Variants in RHBDD1 observed in about 807,000 individuals in gnomAD.
The protein encoded by RHBDD1 is rhomboid-related protein 4.
Under a neutral mutation model 36.3 loss-of-function variants are expected in RHBDD1, and 38 were observed. The ratio of observed to expected loss-of-function variants is 1.05; its 90% CI spans 0.81 to 1.37. The LOEUF is 1.37. Among genes scored for constraint, RHBDD1 ranks in the 40% most tolerant of loss-of-function variants. The pLI, the probability that RHBDD1 is intolerant of heterozygous loss-of-function variation, is 0.00. For synonymous variants in RHBDD1, 151 were observed against 136.5 expected, an observed-to-expected ratio of 1.11 and a Z score of -0.74; for missense variants, 393 against 377.6, an observed-to-expected ratio of 1.04 and a Z score of -0.34.
chr2:226,909,012 AAC>A lies in RHBDD1; in HGVS notation c.712+139_712+140del. On this transcript the variant is annotated intron_variant, in intron 7 of 8. Coordinates refer to ENST00000392062, the MANE Select transcript of RHBDD1 (RefSeq NM_001167608.3). ...TCACATGTTGTGTAACTGTGCCTCT[AAC>A]ACACCTGGAAGCTAGATGGAGGGTA... 4.9e-6 allele frequency: 3 copies of A among 615,888 alleles called. No individual in the cohort carries two copies. In the South Asian group the frequency reaches 7.1e-5, roughly 14 times the overall value. The allele number at this position is 615,888 out of a possible 1,614,324, so 38.2% of individuals were successfully genotyped here.
intron 8 of RHBDD1, among the ~76,000 whole-genome samples, chr2:226,978,262 T>A (rs1373899921): frequency 6.6e-6 from 1 of 152,240 alleles, no homozygotes; most frequent in Non-Finnish European, 1.5e-5. Flanking sequence ...CAATTTGTAC[T>A]CTTTTTTCTC....
the RHBDD1 span, among the ~76,000 whole-genome samples, chr2:226,802,290 G>A: frequency 1.3e-5 from 2 of 152,288 alleles, no homozygotes; most frequent in East Asian, 3.9e-4. Context: ...TCACTGCTGT[G>A]ACAAATTATG....
At chr2:226,948,564 TAAAAAAAAA>T (rs56325989) in intron 8 of RHBDD1, among the ~76,000 whole-genome samples, 3 of 23,558 alleles carry the variant, frequency 1.3e-4, no homozygotes, top group African/African-American at 5.5e-4. Context: ...ACTTAAAGTA[TAAAAAAAAA>T]AAAAAAAAAA....
In RHBDD1 at chr2:226,966,264, A is replaced by C. The variant is rs534218689; in HGVS notation, c.857-29167A>C. Among the ~76,000 whole-genome samples the C allele has an allele frequency of 2.6e-4, 39 of 152,286 alleles. No individual in the cohort carries two copies. In the South Asian group the frequency reaches 6.8e-3, roughly 27 times the overall value. On this transcript the variant is annotated intron_variant, in intron 8 of 8. Transcript: ENST00000392062. ...CAGGTCAATCACAAGAAATGCCTGC[A>C]ATTTGGACCATCTGTCCTTGCACTC...
rs181103518 is a variant in RHBDD1, at chr2:226,922,278, G to T, written c.856+7927G>T. 4.0e-4 allele frequency among the ~76,000 whole-genome samples: 59 copies of T among 146,406 alleles called. No individual in the cohort carries two copies. The East Asian group carries it at 0.011, about 28-fold the overall frequency. ...GCTGGAGTGCAGTGGTGTGATCTCG[G>T]CTCACTGTAAGTTCCACCTCCCGGG... On this transcript the variant is annotated intron_variant, in intron 8 of 8. Coordinates refer to ENST00000392062, the MANE Select transcript of RHBDD1 (RefSeq NM_001167608.3).
intron 8 of RHBDD1, among the ~76,000 whole-genome samples, chr2:226,968,797 G>A (rs576505645): frequency 2.0e-5 from 3 of 152,334 alleles, no homozygotes; most frequent in Non-Finnish European, 4.4e-5. Context: ...TATAATCGGT[G>A]TTTGCAGAAT....
At chr2:226,806,336 T>G in the RHBDD1 span, among the ~76,000 whole-genome samples, 3 of 151,226 alleles carry the variant, frequency 2.0e-5, no homozygotes, top group African/African-American at 7.3e-5. Flanking sequence ...GCTTCCTGTG[T>G]CCCACCTCTG....
chr2:226,809,388 C>A, the RHBDD1 span, among the ~76,000 whole-genome samples: 4 of 152,288 alleles, frequency 2.6e-5, no homozygotes, highest in African/African-American at 9.6e-5. Context: ...TGTTTATGAT[C>A]TGACTGAATT....
At chr2:226,897,308 G>GTGTCTGTCTGTC (rs56199167) in intron 5 of RHBDD1, among the ~76,000 whole-genome samples, 1 of 141,922 alleles carries the variant, frequency 7.0e-6, no homozygotes, top group African/African-American at 2.5e-5. Flanking sequence ...TGAGGTGTGT[G>GTGTCTGTCTGTC]TGTCTGTCTG....
intron 3 of RHBDD1, among the ~76,000 whole-genome samples, chr2:226,841,759 G>A (rs1468129412): frequency 6.6e-6 from 1 of 152,132 alleles, no homozygotes; most frequent in Non-Finnish European, 1.5e-5. Context: ...TTTAACATAT[G>A]CATGCATGTA....
At chr2:226,807,554 A>G in the RHBDD1 span, 1 of 152,198 alleles carries the variant, frequency 6.6e-6, no homozygotes, top group African/African-American at 2.4e-5. Context: ...GACATGTTCC[A>G]TGCAGAGGAA....
chr2:226,866,195 C>T (rs906441710), intron 4 of RHBDD1, among the ~76,000 whole-genome samples: 8 of 152,058 alleles, frequency 5.3e-5, no homozygotes, highest in African/African-American at 1.7e-4. Flanking sequence ...CACAGCCTCC[C>T]GAGTAGCTGG....
intron 4 of RHBDD1, 136 bp downstream of exon 4, chr2:226,865,262 A>G: frequency 1.4e-6 from 1 of 704,110 alleles, no homozygotes; most frequent in Non-Finnish European, 2.5e-6. Flanking sequence ...CTTGAAGAGG[A>G]GGCTGGAGCA....
intron 5 of RHBDD1, among the ~76,000 whole-genome samples, chr2:226,868,405 CT>C (rs1488481241): frequency 6.6e-6 from 1 of 152,200 alleles, no homozygotes; most frequent in Non-Finnish European, 1.5e-5. Flanking sequence ...CACTTTCTTC[CT>C]TTGGTTCTTT....
chr2:226,925,219 C>A (rs114306856), intron 8 of RHBDD1, among the ~76,000 whole-genome samples: 10 of 152,304 alleles, frequency 6.6e-5, no homozygotes, highest in African/African-American at 2.4e-4. Flanking sequence ...TTCAGTGATT[C>A]CTTGACTAGG....
At chr2:226,816,375 C>CAAAAAAAA in the RHBDD1 span, among the ~76,000 whole-genome samples, 4 of 64,936 alleles carry the variant, frequency 6.2e-5, no homozygotes, top group Non-Finnish European at 7.0e-5. Flanking sequence ...GGAATGGTGG[C>CAAAAAAAA]AAAAAAAAAA....
chr2:226,987,403 G>A (rs569052667), intron 8 of RHBDD1, among the ~76,000 whole-genome samples: 32 of 152,318 alleles, frequency 2.1e-4, no homozygotes, highest in South Asian at 6.2e-4. Context: ...GGAGGACATT[G>A]CCAAGGAGCA....
At chr2:226,812,647 C>CTTTTTTTT in the RHBDD1 span, among the ~76,000 whole-genome samples, 10 of 150,302 alleles carry the variant, frequency 6.7e-5, no homozygotes, top group African/African-American at 1.7e-4. Context: ...CTCTCTCTCT[C>CTTTTTTTT]TTTTTTTTTG....
At chr2:226,810,540 CAAAAAAAAAA>C in the RHBDD1 span, among the ~76,000 whole-genome samples, 10 of 33,882 alleles carry the variant, frequency 3.0e-4, no homozygotes, top group South Asian at 0.013. Flanking sequence ...GACTCCGTCT[CAAAAAAAAAA>C]AAAAAAAAAA....
Sources: gnomAD v4.1 joint callset for allele counts (sites outside exome capture counted in the v4.1 genomes callset) on GRCh38, gnomAD v4.1.1 for gene constraint, MANE v1.5 for transcripts, NCBI Gene and HGNC (gene_info 2026-07-23, HGNC 2026-07-21) for gene names.